IL27RA: variants seen among roughly 807,000 people sequenced by gnomAD.
IL27RA encodes the protein interleukin 27 receptor subunit alpha.
Under a neutral mutation model 80.8 loss-of-function variants are expected in IL27RA, and 61 were observed. That is an observed-to-expected ratio of 0.76 (90% CI 0.61 to 0.93). IL27RA has a LOEUF of 0.93. IL27RA is among the 40% of genes least tolerant of loss of function. IL27RA has a pLI of 0.00. For synonymous variants in IL27RA, 316 were observed against 332.5 expected (o/e 0.95, Z 0.54); for missense variants, 735 against 808.1 (o/e 0.91, Z 1.10).
chr19:14,036,607 G>A (rs1309402559), intron 2 of IL27RA, among the ~76,000 whole-genome samples: 1 of 149,880 alleles, frequency 6.7e-6, no homozygotes, highest in Non-Finnish European at 1.5e-5. Flanking sequence ...TCGTGCCTCA[G>A]CCTCCCGAGT....
chr19:14,049,957 G>A (rs1340607746), intron 10 of IL27RA, among the ~76,000 whole-genome samples: 2 of 151,978 alleles, frequency 1.3e-5, no homozygotes, highest in African/African-American at 4.8e-5. Context: ...GGGAGGCCAA[G>A]GCAGGCAGAT....
At chr19:14,049,395 G>A (rs564149348) in intron 10 of IL27RA, 81 bp downstream of exon 10, 30 of 1,467,192 alleles carry the variant, frequency 2.0e-5, no homozygotes, top group East Asian at 1.9e-4. Context: ...TTGTCCCCAC[G>A]TGGGCCTCTT....
rs190031007 is a variant in IL27RA at position 14,050,888 on chromosome 19, G to C, written c.1528+5G>C. The C allele has an allele frequency of 4.8e-5, 77 of 1,604,166 alleles. 1 individual carries two copies. In the South Asian group the frequency reaches 7.2e-4, roughly 15 times the overall value. ...TCCTCCGGCTTCATCTACCAGGTAG[G>C]GGGGTTGGGATGGGATTGCCACAGG... On this transcript the variant is annotated splice_donor_5th_base_variant and intron_variant, in intron 11 of 13. Coordinates refer to ENST00000263379, the MANE Select transcript of IL27RA (RefSeq NM_004843.4).
intron 4 of IL27RA, among the ~76,000 whole-genome samples, chr19:14,040,668 A>G (rs1975975901): frequency 6.6e-6 from 1 of 151,752 alleles, no homozygotes; most frequent in South Asian, 2.1e-4. Context: ...TAAAAATACA[A>G]AAAAGTAGCT....
chr19:14,038,397 G>A (rs1444595957), intron 2 of IL27RA, among the ~76,000 whole-genome samples: 1 of 151,878 alleles, frequency 6.6e-6, no homozygotes, highest in African/African-American at 2.4e-5. Flanking sequence ...GGGCAACATA[G>A]CAAGACCCCA....
At chr19:14,036,767 C>T (rs542436297) in intron 2 of IL27RA, among the ~76,000 whole-genome samples, 2 of 152,120 alleles carry the variant, frequency 1.3e-5, no homozygotes, top group South Asian at 2.1e-4. Flanking sequence ...GGATTACAGG[C>T]GTGAGCCACC....
chr19:14,038,589 G>A (rs1329783521), intron 2 of IL27RA, among the ~76,000 whole-genome samples: 5 of 139,604 alleles, frequency 3.6e-5, no homozygotes, highest in African/African-American at 8.2e-5. Flanking sequence ...AAAAAAAAAA[G>A]AGAGAGAGGA....
chr19:14,040,009 C>T, intron 4 of IL27RA, 99 bp downstream of exon 4: 3 of 1,217,918 alleles, frequency 2.5e-6, no homozygotes, highest in Admixed American at 2.1e-5. Context: ...TCTGTGCCTG[C>T]CCCTGAGCCT....
intron 6 of IL27RA, among the ~76,000 whole-genome samples, chr19:14,043,336 G>A (rs1976019486): frequency 4.6e-5 from 7 of 152,060 alleles, no homozygotes; most frequent in Admixed American, 4.6e-4. Flanking sequence ...AGATATTCCG[G>A]GCAGGGGCAG....
intron 2 of IL27RA, 140 bp from the exon 3 acceptor site, chr19:14,039,368 G>T (rs1373540136): frequency 7.0e-6 from 6 of 854,210 alleles, no homozygotes; most frequent in African/African-American, 1.7e-5. Flanking sequence ...CTTACTCAAG[G>T]TCACACAGCT....
intron 6 of IL27RA, among the ~76,000 whole-genome samples, chr19:14,045,886 G>T (rs576212022): frequency 6.6e-6 from 1 of 151,880 alleles, no homozygotes; most frequent in East Asian, 1.9e-4. Context: ...TTAGCCGGGC[G>T]TGATGGCAGG....
At position 14,051,179 on chromosome 19, in the gene IL27RA, G is replaced by A. The variant is rs560938904; in HGVS notation, c.1528+296G>A. Among the ~76,000 whole-genome samples the A allele has an allele frequency of 3.7e-4, 56 of 152,254 alleles. 1 individual carries two copies. The highest frequency in any genetic ancestry group is 3.4e-3 in the Middle Eastern group (1 of 294). On this transcript the variant is annotated intron_variant, in intron 11 of 13. Transcript: ENST00000263379. ...GCTCGAGGATCGCTTGAGCCCAGGA[G>A]TTGGAGGCTGCAGTACACGGATTAC...
chr19:14,032,365 A>G (rs1235448191), intron 1 of IL27RA, 21 bp from the exon 2 acceptor site: 1 of 1,588,978 alleles, frequency 6.3e-7, no homozygotes, highest in South Asian at 1.1e-5. Context: ...CTTTCCTGAG[A>G]CCCTCTGACT....
chr19:14,031,789 G>T lies in IL27RA; in HGVS notation c.-84G>T, dbSNP rs1209290682. ...TCGGCTTCCCGTTGCCGCCTCGGGC[G>T]CTGTACCCAGAGCTCGAAGAGGAGC... On this transcript the variant is annotated 5_prime_UTR_variant, in exon 1 of 14. Coordinates refer to ENST00000263379, the MANE Select transcript of IL27RA (RefSeq NM_004843.4). The T allele has an allele frequency of 5.9e-6, 7 of 1,181,306 alleles. No individual in the cohort carries two copies. The Middle Eastern group carries it at 8.4e-4, about 141-fold the overall frequency. 73.2% of individuals were successfully genotyped at this position (1,181,306 alleles called of 1,614,324 possible).
Position 14,049,190 on chromosome 19 carries a change from AG to A in IL27RA, c.1279del (p.Asp427MetfsTer9). 1 of 1,614,090 alleles carries A rather than the reference AG, an allele frequency of 6.2e-7. No individual in the cohort carries two copies. Among genetic ancestry groups the A allele is most frequent in the Non-Finnish European group, 8.5e-7 (1 of 1,179,970 alleles). On this transcript the variant is annotated frameshift_variant, in exon 10 of 14. Coordinates refer to ENST00000263379, the MANE Select transcript of IL27RA (RefSeq NM_004843.4). LOFTEE classifies it high-confidence loss of function. Reference protein sequence around the residue: ...LVGPTLWRLQDAPPGTPAIAW... With the variant: ...LVGPTLWRLQXAPPGTPAIAW... ...TGGGGCCAACGCTTTGGCGACTCCA[AG>A]ATGCCCCTCCAGGGACCCCCGCCAT...
chr19:14,050,612 T>G, intron 10 of IL27RA, 146 bp from the exon 11 acceptor site: 17 of 688,922 alleles, frequency 2.5e-5, no homozygotes, highest in South Asian at 6.9e-5. Context: ...ACGGAAGAGG[T>G]GACCTTTGAG....
At position 14,031,837 on chromosome 19, in the gene IL27RA, A is replaced by G. The variant is rs1279423146; in HGVS notation, c.-36A>G. 6.5e-7 allele frequency: 1 copy of G among 1,541,218 alleles called. No individual in the cohort carries two copies. The highest frequency in any genetic ancestry group is 1.9e-5 in the Admixed American group (1 of 52,858). On this transcript the variant is annotated 5_prime_UTR_variant, in exon 1 of 14. Transcript: ENST00000263379. ...AGCAGCGCGGCCGCGCGGACCCGGC[A>G]AGGCTGGGCCGGACTCGGGGCTCCC...
At chr19:14,049,983 G>A (rs1385296131) in intron 10 of IL27RA, among the ~76,000 whole-genome samples, 1 of 151,722 alleles carries the variant, frequency 6.6e-6, no homozygotes, top group East Asian at 2.0e-4. Context: ...GAGGTCAGGA[G>A]TTCGAGACCA....
chr19:14,048,040 G>A (rs567987972), intron 8 of IL27RA, among the ~76,000 whole-genome samples: 18 of 150,372 alleles, frequency 1.2e-4, no homozygotes, highest in Admixed American at 4.0e-4. Flanking sequence ...TCACTGCAGC[G>A]TCGACCTCCA....
Sources: gnomAD v4.1 joint callset for allele counts (sites outside exome capture counted in the v4.1 genomes callset) on GRCh38, gnomAD v4.1.1 for gene constraint, MANE v1.5 for transcripts, NCBI Gene and HGNC (gene_info 2026-07-23, HGNC 2026-07-21) for gene names.